TMEM132D: variants seen among roughly 807,000 people sequenced by gnomAD.
TMEM132D encodes the protein mature OL transmembrane protein.
A neutral mutation model predicts 62.3 loss-of-function variants in TMEM132D; 21 were observed. The observed-to-expected ratio is 0.34, with a 90% confidence interval of 0.24 to 0.49. TMEM132D has a LOEUF of 0.49. Ranked by LOEUF, TMEM132D falls within the 20% of genes least tolerant of loss-of-function variation. The probability of loss-of-function intolerance (pLI) is 0.99; values close to 1 mark genes in which losing one functional copy is unlikely to be tolerated. For synonymous variants in TMEM132D, 621 were observed against 575.6 expected (o/e 1.08, Z -1.13); for missense variants, 1,346 against 1,402.8 (o/e 0.96, Z 0.65).
intron 1 of TMEM132D, among the ~76,000 whole-genome samples, chr12:129,750,001 C>T (rs905359480): frequency 6.6e-6 from 1 of 152,180 alleles, no homozygotes; most frequent in Non-Finnish European, 1.5e-5. Context: ...TGCATCCCAT[C>T]CCCATTCCCT....
rs573088540 is a variant in TMEM132D at position 129,826,543 on chromosome 12, A to AAG, written c.79+76717_79+76718insCT. ...CCTGGGACACAAGAGTCTTTTATCA[A>AAG]GAAGAAAAAGATCTTCTTTGAACTC... is the stretch of plus-strand genomic sequence containing the variant. On this transcript the variant is annotated intron_variant, in intron 1 of 8. Transcript: ENST00000422113. Among the ~76,000 whole-genome samples, 433 of 152,306 alleles carry AAG rather than the reference A, an allele frequency of 2.8e-3. 1 individual carries two copies. The highest frequency in any genetic ancestry group is 9.4e-3 in the African/African-American group (390 of 41,570).
At chr12:129,297,367 T>C (rs1474897030) in intron 4 of TMEM132D, among the ~76,000 whole-genome samples, 1 of 152,208 alleles carries the variant, frequency 6.6e-6, no homozygotes, top group Non-Finnish European at 1.5e-5. Flanking sequence ...AGCCATTTGC[T>C]GCCAGCAGCA....
chr12:129,751,792 C>G (rs979478180), intron 1 of TMEM132D, among the ~76,000 whole-genome samples: 3 of 152,160 alleles, frequency 2.0e-5, no homozygotes, highest in South Asian at 2.1e-4. Flanking sequence ...ATGACTTTGT[C>G]TCCTGTTAAA....
At chr12:129,313,160 C>T (rs1028133642) in intron 4 of TMEM132D, among the ~76,000 whole-genome samples, 18 of 151,708 alleles carry the variant, frequency 1.2e-4, no homozygotes, top group Admixed American at 4.6e-4. Flanking sequence ...AAGAGACATA[C>T]ATTTTATTTT....
intron 5 of TMEM132D, among the ~76,000 whole-genome samples, chr12:129,184,592 A>G (rs1291049344): frequency 6.6e-6 from 1 of 152,178 alleles, no homozygotes; most frequent in African/African-American, 2.4e-5. Context: ...CACTGGATTT[A>G]GTCTCTCCGT....
At chr12:129,859,609 C>T (rs1249086267) in intron 1 of TMEM132D, among the ~76,000 whole-genome samples, 2 of 152,120 alleles carry the variant, frequency 1.3e-5, no homozygotes, top group Non-Finnish European at 2.9e-5. Context: ...TCAGTGTGGG[C>T]GGGCACCAAC....
chr12:129,397,031 T>C (rs1871450950), intron 3 of TMEM132D, among the ~76,000 whole-genome samples: 1 of 152,182 alleles, frequency 6.6e-6, no homozygotes, highest in African/African-American at 2.4e-5. Context: ...GGTTTATGGG[T>C]GAATCTATTT....
At chr12:129,075,390 C>T (rs942428369) in intron 8 of TMEM132D, among the ~76,000 whole-genome samples, 2 of 150,222 alleles carry the variant, frequency 1.3e-5, no homozygotes, top group Non-Finnish European at 3.0e-5. Context: ...GAATCAACTT[C>T]TGAACAATAA....
At chr12:129,383,964 C>A (rs930978925) in intron 3 of TMEM132D, among the ~76,000 whole-genome samples, 1 of 152,164 alleles carries the variant, frequency 6.6e-6, no homozygotes, top group Non-Finnish European at 1.5e-5. Flanking sequence ...CCGCAGTCAC[C>A]CAGTATCCTC....
intron 5 of TMEM132D, among the ~76,000 whole-genome samples, chr12:129,164,568 C>G (rs1877486815): frequency 1.3e-5 from 2 of 152,168 alleles, no homozygotes; most frequent in Admixed American, 1.3e-4. Flanking sequence ...GTTTAATTGA[C>G]TCATAGTTCA....
At chr12:129,108,681 C>T (rs762616252) in intron 5 of TMEM132D, among the ~76,000 whole-genome samples, 14 of 152,178 alleles carry the variant, frequency 9.2e-5, no homozygotes, top group East Asian at 7.7e-4. Flanking sequence ...CAGATGCATG[C>T]GGTATTTCCC....
intron 2 of TMEM132D, among the ~76,000 whole-genome samples, chr12:129,686,367 G>A (rs1267252010): frequency 6.6e-6 from 1 of 152,106 alleles, no homozygotes; most frequent in Non-Finnish European, 1.5e-5. Context: ...AGATCTGATG[G>A]TTTTATAAGG....
intron 3 of TMEM132D, among the ~76,000 whole-genome samples, chr12:129,459,665 C>T (rs1051773163): frequency 5.3e-5 from 8 of 152,078 alleles, no homozygotes; most frequent in African/African-American, 7.2e-5. Context: ...AGGAAATTCC[C>T]GGGAATTCTC....
chr12:129,337,432 TACACACACGC>T (rs1187318229), intron 4 of TMEM132D, among the ~76,000 whole-genome samples, 192 bp downstream of exon 4: 1 of 109,650 alleles, frequency 9.1e-6, no homozygotes, highest in African/African-American at 3.6e-5. Context: ...TAGATATAGA[TACACACACGC>T]ACACACACAC....
intron 2 of TMEM132D, among the ~76,000 whole-genome samples, chr12:129,546,972 T>C (rs1436187314): frequency 6.6e-6 from 1 of 152,194 alleles, no homozygotes; most frequent in Non-Finnish European, 1.5e-5. Flanking sequence ...TTTCTAGCCT[T>C]GCCATAACAA....
intron 3 of TMEM132D, among the ~76,000 whole-genome samples, chr12:129,518,132 A>G (rs1875736894): frequency 6.6e-6 from 1 of 152,190 alleles, no homozygotes; most frequent in Admixed American, 6.5e-5. Flanking sequence ...TAATACCTTG[A>G]CAGTTCCCTT....
chr12:129,866,985 T>G (rs1874079406), intron 1 of TMEM132D, among the ~76,000 whole-genome samples: 1 of 152,006 alleles, frequency 6.6e-6, no homozygotes. Context: ...CAGTGGCTCA[T>G]GCCTGTAATC....
intron 4 of TMEM132D, among the ~76,000 whole-genome samples, chr12:129,289,402 G>C (rs1484666283): frequency 6.6e-6 from 1 of 151,934 alleles, no homozygotes; most frequent in African/African-American, 2.4e-5. Flanking sequence ...AAATTAGCCA[G>C]GTGTGGTGGC....
chr12:129,284,352 C>CT (rs1881236687), intron 4 of TMEM132D, among the ~76,000 whole-genome samples: 1 of 152,228 alleles, frequency 6.6e-6, no homozygotes, highest in Admixed American at 6.5e-5. Context: ...TCTCAGTCAA[C>CT]TTACAGAATC....
Sources: allele counts gnomAD v4.1 joint callset (sites outside exome capture counted in the v4.1 genomes callset), GRCh38; gene constraint gnomAD v4.1.1; transcripts MANE v1.5; gene names NCBI Gene and HGNC (gene_info 2026-07-23, HGNC 2026-07-21).